Variants in UNC13C observed in about 807,000 individuals in gnomAD.
The protein encoded by UNC13C is unc-13 homolog C, also known as protein unc-13 homolog C.
Under a neutral mutation model 245.4 loss-of-function variants are expected in UNC13C, and 174 were observed. The ratio of observed to expected loss-of-function variants is 0.71; its 90% CI spans 0.63 to 0.80. UNC13C has a LOEUF of 0.80. Ranked by LOEUF, UNC13C falls within the 30% of genes least tolerant of loss-of-function variation. The probability of loss-of-function intolerance (pLI) is 0.00; values close to 1 mark genes in which losing one functional copy is unlikely to be tolerated. For missense variants in UNC13C, 2,829 were observed against 2,602.9 expected (o/e 1.09, Z -1.89); for synonymous variants, 992 against 895.1 (o/e 1.11, Z -1.93).
At chr15:54,099,173 A>G (rs1371952452) in intron 2 of UNC13C, among the ~76,000 whole-genome samples, 1 of 152,202 alleles carries the variant, frequency 6.6e-6, no homozygotes, top group Non-Finnish European at 1.5e-5. Flanking sequence ...AAGTGATAGC[A>G]ACTTCAGGGT....
chr15:54,393,132 G>T lies in UNC13C; in HGVS notation c.4798G>T (p.Val1600Phe). Residue 1600 changes from valine (V) to phenylalanine (F), a missense_variant, in exon 18 of 33, where the codon GTT becomes TTT. Physicochemically the swap from Val to Phe is conservative, Grantham distance 50. Coordinates refer to ENST00000260323, the MANE Select transcript of UNC13C (RefSeq NM_001080534.3). ...DFWPQLITLM[V>F]TIIDEDKTAY... ...TTGGCCCCAACTTATTACACTGATG[G>T]TTACTATTATTGATGAGGATAAAAC... 6.2e-7 allele frequency: 1 copy of T among 1,610,094 alleles called. No homozygotes were observed. The highest frequency in any genetic ancestry group is 1.3e-5 in the African/African-American group (1 of 74,724).
chr15:54,380,908 C>T (rs949326050), intron 17 of UNC13C, among the ~76,000 whole-genome samples: 3 of 152,088 alleles, frequency 2.0e-5, no homozygotes, highest in Non-Finnish European at 4.4e-5. Context: ...GTTCTATAAG[C>T]TGTCCCTTCA....
Position 54,267,001 on chromosome 15 carries a change from G to A in UNC13C, c.3818+1505G>A, listed in dbSNP as rs566687924. Among the ~76,000 whole-genome samples, 3 of 152,096 alleles carry A rather than the reference G, an allele frequency of 2.0e-5. No individual in the cohort carries two copies. In the South Asian group the frequency reaches 6.2e-4, roughly 32 times the overall value. On this transcript the variant is annotated intron_variant, in intron 10 of 32. Transcript: ENST00000260323. ...TGTCAATAGCTTATTTCTATTGCTTGTTAGCATTCCATTTTATTAATATAT... is the reference window on the plus strand; with the variant it reads ...TGTCAATAGCTTATTTCTATTGCTTATTAGCATTCCATTTTATTAATATAT...
chr15:54,107,286 G>A (rs902194832), intron 2 of UNC13C, among the ~76,000 whole-genome samples: 9 of 151,990 alleles, frequency 5.9e-5, no homozygotes, highest in Non-Finnish European at 1.0e-4. Context: ...CTAGGTATGA[G>A]GGGAAAGAAA....
At chr15:53,923,128 T>C in the UNC13C span, among the ~76,000 whole-genome samples, 3 of 152,236 alleles carry the variant, frequency 2.0e-5, no homozygotes, top group South Asian at 6.2e-4. Flanking sequence ...TCCTTGTTGC[T>C]GAACTACTGC....
the UNC13C span, among the ~76,000 whole-genome samples, chr15:53,868,646 G>A: frequency 6.6e-6 from 1 of 152,176 alleles, no homozygotes; most frequent in Non-Finnish European, 1.5e-5. Flanking sequence ...GGCAGTTAGG[G>A]TTGTTAATTT....
chr15:54,097,753 C>T (rs1899946899), intron 2 of UNC13C, among the ~76,000 whole-genome samples: 1 of 152,118 alleles, frequency 6.6e-6, no homozygotes, highest in Non-Finnish European at 1.5e-5. Flanking sequence ...AAATGGTTAA[C>T]TGTGTGTAGT....
At chr15:54,331,335 C>T (rs1436779416) in intron 14 of UNC13C, among the ~76,000 whole-genome samples, 1 of 151,962 alleles carries the variant, frequency 6.6e-6, no homozygotes, top group Non-Finnish European at 1.5e-5. Context: ...CCAACTTTAA[C>T]CACACACTTA....
chr15:54,498,327 T>G (rs1894046796), intron 20 of UNC13C, among the ~76,000 whole-genome samples: 1 of 152,120 alleles, frequency 6.6e-6, no homozygotes, highest in Admixed American at 6.6e-5. Flanking sequence ...GGAGAAATCA[T>G]GTATTATATA....
chr15:54,406,311 A>T (rs1476075588), intron 18 of UNC13C, among the ~76,000 whole-genome samples: 4 of 152,130 alleles, frequency 2.6e-5, no homozygotes, highest in Non-Finnish European at 5.9e-5. Context: ...AACGATAAGG[A>T]TGCTTCTTTC....
intron 2 of UNC13C, among the ~76,000 whole-genome samples, chr15:54,104,268 T>G (rs142800048): frequency 2.2e-4 from 33 of 152,244 alleles, no homozygotes; most frequent in African/African-American, 7.2e-4. Context: ...CTTTTTGTTT[T>G]CATGGAAGTC....
chr15:54,064,577 C>T (rs1897989843), intron 2 of UNC13C, among the ~76,000 whole-genome samples: 1 of 152,170 alleles, frequency 6.6e-6, no homozygotes, highest in East Asian at 1.9e-4. Context: ...GAACCAGAAG[C>T]TCATTCAGAA....
At chr15:54,492,002 A>C (rs926482268) in intron 19 of UNC13C, among the ~76,000 whole-genome samples, 4 of 152,004 alleles carry the variant, frequency 2.6e-5, no homozygotes, top group Admixed American at 2.6e-4. Context: ...AAAAAAAAAA[A>C]AACAATTTAG....
chr15:54,624,004 C>A, intron 32 of UNC13C, 50 bp downstream of exon 32: 1 of 1,604,104 alleles, frequency 6.2e-7, no homozygotes, highest in Non-Finnish European at 8.5e-7. Flanking sequence ...AGTTACTGTA[C>A]AGCTGACCTT....
rs151336812 is a variant in UNC13C, at chr15:54,541,700, A to G, written c.5697-5022A>G. On this transcript the variant is annotated intron_variant, in intron 26 of 32. Coordinates refer to ENST00000260323, the MANE Select transcript of UNC13C (RefSeq NM_001080534.3). ...TGAGTTGTAATATGGGTATACTAGT[A>G]AATGAGAAATATATACAGAAGAAGT... Among the ~76,000 whole-genome samples the G allele has an allele frequency of 1.1e-4, 17 of 152,270 alleles. No individual in the cohort carries two copies. In the Middle Eastern group the frequency reaches 0.017, roughly 152 times the overall value.
intron 17 of UNC13C, among the ~76,000 whole-genome samples, chr15:54,343,340 C>G (rs2141012755): frequency 6.6e-6 from 1 of 152,192 alleles, no homozygotes; most frequent in Non-Finnish European, 1.5e-5. Context: ...ACCACGTTAG[C>G]CAGGCTGGGC....
At chr15:54,536,857 A>C (rs370726779) in intron 26 of UNC13C, among the ~76,000 whole-genome samples, 1 of 152,148 alleles carries the variant, frequency 6.6e-6, no homozygotes, top group Admixed American at 6.6e-5. Context: ...ATCTATGACA[A>C]ACCCACAACC....
chr15:53,861,428 G>A, the UNC13C span, among the ~76,000 whole-genome samples: 1 of 150,770 alleles, frequency 6.6e-6, no homozygotes, highest in Non-Finnish European at 1.5e-5. Context: ...TTTTTTGCGT[G>A]TTGTTATTTT....
the UNC13C span, among the ~76,000 whole-genome samples, chr15:53,840,099 G>T: frequency 0.26 from 39,577 of 151,862 alleles, 6,243 homozygotes; most frequent in Non-Finnish European, 0.35. Flanking sequence ...TTTACAGTTA[G>T]GTGTCTCTGC....
Sources: allele counts gnomAD v4.1 joint callset (sites outside exome capture counted in the v4.1 genomes callset), GRCh38; gene constraint gnomAD v4.1.1; transcripts MANE v1.5; gene names NCBI Gene and HGNC (gene_info 2026-07-23, HGNC 2026-07-21).